SEC24D: variants seen among roughly 807,000 people sequenced by gnomAD.
The protein encoded by SEC24D is SEC24 homolog D, COPII component.
SEC24D carries 69 observed loss-of-function variants against 116.9 expected under a neutral mutation model. The observed-to-expected ratio is 0.59, with a 90% CI of 0.49 to 0.72. The LOEUF is 0.72. Ranked by LOEUF, SEC24D falls within the 30% of genes least tolerant of loss-of-function variation. SEC24D has a pLI of 0.00. For missense variants in SEC24D, 1,131 were observed against 1,264.1 expected, an observed-to-expected ratio of 0.89 and a Z score of 1.60; for synonymous variants, 405 against 442.8, an observed-to-expected ratio of 0.91 and a Z score of 1.07.
At chr4:118,790,359 AC>A (rs1728843009) in intron 8 of SEC24D, among the ~76,000 whole-genome samples, 1 of 152,204 alleles carries the variant, frequency 6.6e-6, no homozygotes, top group Non-Finnish European at 1.5e-5. Flanking sequence ...CAAAAGATAA[AC>A]ATTTCCTATT....
At chr4:118,747,234 C>T (rs1726577640) in intron 13 of SEC24D, among the ~76,000 whole-genome samples, 1 of 145,960 alleles carries the variant, frequency 6.9e-6, no homozygotes, top group Non-Finnish European at 1.5e-5. Context: ...CTCTGAAATT[C>T]TATGACTGTG....
At chr4:118,834,897 A>C (rs1731026456) in intron 1 of SEC24D, among the ~76,000 whole-genome samples, 1 of 152,252 alleles carries the variant, frequency 6.6e-6, no homozygotes, top group Non-Finnish European at 1.5e-5. Flanking sequence ...ATTTCAAATT[A>C]AAAATTTGAA....
rs1370592791 is a variant in SEC24D, at chr4:118,836,056, C to T, written c.-157G>A. 1 of 152,278 alleles carries T rather than the reference C, an allele frequency of 6.6e-6. No homozygotes were observed. The highest frequency in any genetic ancestry group is 6.5e-5 in the Admixed American group (1 of 15,280). 9.4% of individuals were successfully genotyped at this position (152,278 alleles called of 1,614,324 possible). A position where few individuals can be genotyped will look rare whatever the true frequency, so the allele number is the denominator to read the frequency against. ...GTCGCTTCTCCCGCCGCGCCTCTTC[C>T]CCGGCCGGCGTCCCCTTAGCCTGGA... On this transcript the variant is annotated 5_prime_UTR_variant, in exon 1 of 23. Coordinates refer to ENST00000280551, the MANE Select transcript of SEC24D (RefSeq NM_014822.4).
At chr4:118,760,877 T>C (rs560274554) in intron 10 of SEC24D, among the ~76,000 whole-genome samples, 3 of 151,288 alleles carry the variant, frequency 2.0e-5, no homozygotes, top group Non-Finnish European at 4.4e-5. Context: ...CCAGCTAATT[T>C]TTTTTTTTTA....
intron 3 of SEC24D, 42 bp from the exon 4 acceptor site, chr4:118,817,454 T>C: frequency 1.3e-6 from 2 of 1,564,002 alleles, no homozygotes; most frequent in Non-Finnish European, 8.7e-7. Context: ...TCACAGCGTC[T>C]CAAGCAAATG....
At chr4:118,745,120 GA>G in intron 13 of SEC24D, 60 bp from the exon 14 acceptor site, 1 of 902,506 alleles carries the variant, frequency 1.1e-6, no homozygotes, top group Non-Finnish European at 1.8e-6. Context: ...AACATTTTAA[GA>G]GAATCAGAAA....
chr4:118,816,333 A>C (rs774590017), intron 4 of SEC24D, among the ~76,000 whole-genome samples: 1 of 152,214 alleles, frequency 6.6e-6, no homozygotes, highest in Non-Finnish European at 1.5e-5. Flanking sequence ...TGCATTAATT[A>C]AAGCATCTGT....
chr4:118,820,177 AT>A (rs748302677), intron 3 of SEC24D, among the ~76,000 whole-genome samples: 3,652 of 127,418 alleles, frequency 0.029, 78 homozygotes, highest in African/African-American at 0.085. Context: ...AATTAGTTTA[AT>A]TTTTTTTTTT....
At chr4:118,829,434 C>G (rs1488381950) in intron 2 of SEC24D, among the ~76,000 whole-genome samples, 1 of 151,846 alleles carries the variant, frequency 6.6e-6, no homozygotes, top group Non-Finnish European at 1.5e-5. Flanking sequence ...ATCATTTGAG[C>G]CCAGGAGTTC....
intron 8 of SEC24D, among the ~76,000 whole-genome samples, chr4:118,788,945 G>A (rs1202039731): frequency 1.3e-5 from 2 of 152,182 alleles, no homozygotes; most frequent in Non-Finnish European, 2.9e-5. Flanking sequence ...CCAGCCCACT[G>A]CTGAACTCTG....
intron 8 of SEC24D, among the ~76,000 whole-genome samples, chr4:118,773,864 A>G (rs1728019729): frequency 1.3e-5 from 2 of 152,218 alleles, no homozygotes; most frequent in Non-Finnish European, 2.9e-5. Flanking sequence ...GGTACAGTTC[A>G]ATAGGCTATT....
At position 118,815,604 on chromosome 4, in the gene SEC24D, G is replaced by T. The variant is rs777708903; in HGVS notation, c.520C>A (p.Pro174Thr). The change falls in exon 5 of 23, where the codon CCA becomes ACA. Residue 174 changes from proline to threonine, a missense_variant. Pro to Thr is a conservative substitution (Grantham distance 38). Transcript: ENST00000280551. Reference protein sequence around the residue: ...LQPGSQVLPPPPTTLNGPGAS... With the variant: ...LQPGSQVLPPTPTTLNGPGAS... ...CCAGGACCATTGAGTGTGGTGGGTG[G>T]TGGTGGAAGAACTTGAGATCCAGGC... 1.2e-6 allele frequency: 2 copies of T among 1,614,076 alleles called. No homozygotes were observed.
intron 9 of SEC24D, 76 bp from the exon 10 acceptor site, chr4:118,764,993 T>C: frequency 1.2e-6 from 1 of 830,398 alleles, no homozygotes; most frequent in South Asian, 1.5e-5. Flanking sequence ...TCAAAATTTA[T>C]TATGAGAGGA....
At chr4:118,728,766 G>T in intron 21 of SEC24D, 116 bp from the exon 22 acceptor site, 2 of 579,678 alleles carry the variant, frequency 3.5e-6, no homozygotes, top group Non-Finnish European at 5.6e-6. Flanking sequence ...CATTGGTGTA[G>T]TTCATTACCT....
chr4:118,755,385 T>G (rs1727038890), intron 11 of SEC24D, among the ~76,000 whole-genome samples: 1 of 151,450 alleles, frequency 6.6e-6, no homozygotes, highest in Non-Finnish European at 1.5e-5. Context: ...CTGAAGACAT[T>G]GGTAACTAGA....
chr4:118,761,434 C>A (rs1727373629), intron 10 of SEC24D, among the ~76,000 whole-genome samples: 1 of 152,160 alleles, frequency 6.6e-6, no homozygotes, highest in Non-Finnish European at 1.5e-5. Flanking sequence ...ATCAAAGATA[C>A]AATGCTGGAC....
intron 22 of SEC24D, among the ~76,000 whole-genome samples, chr4:118,727,935 C>A (rs1327677930): frequency 6.6e-6 from 1 of 152,038 alleles, no homozygotes; most frequent in Admixed American, 6.6e-5. Flanking sequence ...CTTGTAGACA[C>A]GTGCCTCCAG....
In SEC24D at chr4:118,732,643, C is replaced by T. The variant is rs1045399848; in HGVS notation, c.2676+90G>A. On this transcript the variant is annotated intron_variant, in intron 20 of 22. Transcript: ENST00000280551. Reference sequence around the variant, plus strand: ...GTGACTTTAACTTTCCTCTTAAGAACAACATATTTCAGATATAACATACGG... The same window carrying T: ...GTGACTTTAACTTTCCTCTTAAGAATAACATATTTCAGATATAACATACGG... The T allele has an allele frequency of 3.2e-6, 4 of 1,250,212 alleles. No individual in the cohort carries two copies. The African/African-American group carries it at 6.0e-5, about 19-fold the overall frequency. The allele number at this position is 1,250,212 out of a possible 1,614,324, so 77.4% of individuals were successfully genotyped here.
chr4:118,733,810 C>A (rs897988143), intron 19 of SEC24D, among the ~76,000 whole-genome samples: 1 of 151,756 alleles, frequency 6.6e-6, no homozygotes, highest in African/African-American at 2.4e-5. Flanking sequence ...TATTTCTTTA[C>A]CCTCAATTAA....
Sources: gnomAD v4.1 joint callset for allele counts (sites outside exome capture counted in the v4.1 genomes callset) on GRCh38, gnomAD v4.1.1 for gene constraint, MANE v1.5 for transcripts, NCBI Gene and HGNC (gene_info 2026-07-23, HGNC 2026-07-21) for gene names.